Variants in SOX6 observed in about 807,000 individuals in gnomAD.
SOX6 encodes the protein SRY-box transcription factor 6, also known as transcription factor SOX-6.
A neutral mutation model predicts 97.8 loss-of-function variants in SOX6; 11 were observed. The ratio of observed to expected loss-of-function variants is 0.11; its 90% CI spans 0.07 to 0.19. SOX6 has a LOEUF of 0.19. Ranked by LOEUF, SOX6 falls within the 10% of genes least tolerant of loss-of-function variation. The pLI, the probability that SOX6 is intolerant of heterozygous loss-of-function variation, is 1.00. For synonymous variants in SOX6, 360 were observed against 371.4 expected (o/e 0.97, Z 0.35); for missense variants, 810 against 1,039.5 (o/e 0.78, Z 3.04).
chr11:16,132,432 AGAAAGAAAGAAAAAAGAAAG>A (rs1849821399), intron 6 of SOX6, among the ~76,000 whole-genome samples: 4 of 99,524 alleles, frequency 4.0e-5, no homozygotes, highest in South Asian at 3.3e-4. Context: ...AAAGAAAGAA[AGAAAGAAAGAAAAAAGAAAG>A]AAAGAAAGAA....
chr11:16,103,427 A>G (rs1176961178), intron 7 of SOX6, among the ~76,000 whole-genome samples: 3 of 151,932 alleles, frequency 2.0e-5, no homozygotes, highest in African/African-American at 7.2e-5. Flanking sequence ...TTGGGAATGT[A>G]AACTAGTACA....
chr11:16,684,108 G>A (rs909086983), intron 3 of SOX6, among the ~76,000 whole-genome samples: 1 of 152,210 alleles, frequency 6.6e-6, no homozygotes, highest in Admixed American at 6.5e-5. Flanking sequence ...AGAGGATGTG[G>A]AGAAATAGGG....
chr11:16,583,018 A>G (rs1848045165), intron 4 of SOX6, among the ~76,000 whole-genome samples: 1 of 152,154 alleles, frequency 6.6e-6, no homozygotes, highest in Non-Finnish European at 1.5e-5. Context: ...ATACAGATTC[A>G]TATATACACT....
chr11:16,104,983 T>A (rs1305549392), intron 7 of SOX6, among the ~76,000 whole-genome samples: 1 of 151,724 alleles, frequency 6.6e-6, no homozygotes, highest in Non-Finnish European at 1.5e-5. Context: ...TTAATACCAA[T>A]CCTTTTCAAA....
intron 4 of SOX6, among the ~76,000 whole-genome samples, chr11:16,230,330 GT>G (rs11292825): frequency 1 from 150,427 of 150,452 alleles, 75,201 homozygotes; most frequent in Middle Eastern, 1. Context: ...GTGGGTGGGA[GT>G]TGGGTAGCAA....
chr11:16,704,728 C>T (rs1848119012), intron 3 of SOX6, among the ~76,000 whole-genome samples: 1 of 152,048 alleles, frequency 6.6e-6, no homozygotes, highest in African/African-American at 2.4e-5. Flanking sequence ...TGAATTCTAC[C>T]CAGTTTATAG....
chr11:16,390,499 T>C (rs1389021328), intron 1 of SOX6, among the ~76,000 whole-genome samples: 1 of 152,212 alleles, frequency 6.6e-6, no homozygotes, highest in Non-Finnish European at 1.5e-5. Flanking sequence ...TCTCTGATAA[T>C]AAAGATTTCT....
intron 12 of SOX6, among the ~76,000 whole-genome samples, chr11:16,036,803 A>C (rs903956846): frequency 9.9e-5 from 15 of 152,160 alleles, no homozygotes; most frequent in Non-Finnish European, 1.8e-4. Flanking sequence ...AAAACAACAC[A>C]GTGTGTTTTC....
chr11:16,356,631 C>A (rs1038020049), upstream of SOX6, among the ~76,000 whole-genome samples: 2 of 152,008 alleles, frequency 1.3e-5, no homozygotes, highest in Non-Finnish European at 2.9e-5. Flanking sequence ...GTCTATGGAA[C>A]CTGAATTTTT....
intron 3 of SOX6, among the ~76,000 whole-genome samples, chr11:16,638,945 T>C (rs556885711): frequency 6.6e-6 from 1 of 152,370 alleles, no homozygotes; most frequent in Non-Finnish European, 1.5e-5. Flanking sequence ...TTGTCAATTT[T>C]GGCTTTTGTT....
chr11:16,096,263 T>C (rs1564951975), intron 8 of SOX6, 145 bp from the exon 9 acceptor site: 2 of 1,054,844 alleles, frequency 1.9e-6, no homozygotes, highest in Non-Finnish European at 2.7e-6. Flanking sequence ...TTCTTTCTTT[T>C]ACAGAAATTT....
intron 12 of SOX6, among the ~76,000 whole-genome samples, chr11:16,029,219 A>G (rs932210828): frequency 1.3e-5 from 2 of 152,200 alleles, no homozygotes; most frequent in Non-Finnish European, 2.9e-5. Flanking sequence ...ACATGGGCTC[A>G]ATAAACAAGC....
At chr11:16,513,174 G>A (rs1387181844) in intron 4 of SOX6, among the ~76,000 whole-genome samples, 2 of 152,186 alleles carry the variant, frequency 1.3e-5, no homozygotes, top group African/African-American at 4.8e-5. Context: ...AGGTCAACTG[G>A]CAGTAGTATG....
chr11:16,520,206 GTTCCA>G (rs1861036891), intron 4 of SOX6, among the ~76,000 whole-genome samples: 1 of 152,130 alleles, frequency 6.6e-6, no homozygotes, highest in Non-Finnish European at 1.5e-5. Flanking sequence ...GTTTAATTAA[GTTCCA>G]CTTGTCAGTT....
intron 4 of SOX6, among the ~76,000 whole-genome samples, chr11:16,516,529 A>G (rs1860976756): frequency 6.6e-6 from 1 of 152,164 alleles, no homozygotes; most frequent in African/African-American, 2.4e-5. Context: ...ACAAACTACC[A>G]TCAGAGAATA....
intron 2 of SOX6, among the ~76,000 whole-genome samples, chr11:16,720,461 C>T (rs1848251826): frequency 7.3e-6 from 1 of 136,188 alleles, no homozygotes; most frequent in African/African-American, 2.7e-5. Context: ...CCAAACACCG[C>T]ATGTTCTCAC....
intron 1 of SOX6, among the ~76,000 whole-genome samples, chr11:16,376,568 C>A (rs1181811822): frequency 6.6e-6 from 1 of 152,020 alleles, no homozygotes; most frequent in African/African-American, 2.4e-5. Context: ...AAGATGGGTA[C>A]CAGGAATACA....
At chr11:16,279,692 G>A (rs1197666045) in intron 3 of SOX6, among the ~76,000 whole-genome samples, 1 of 151,990 alleles carries the variant, frequency 6.6e-6, no homozygotes, top group Non-Finnish European at 1.5e-5. Flanking sequence ...TATGCTGAAA[G>A]TTAGTTACAA....
chr11:16,271,789 TTAA>T (rs1854268374), intron 3 of SOX6, among the ~76,000 whole-genome samples: 1 of 151,292 alleles, frequency 6.6e-6, no homozygotes, highest in South Asian at 2.1e-4. Context: ...GTATTACATA[TTAA>T]TTATTTTTAA....
Sources: allele counts gnomAD v4.1 joint callset (sites outside exome capture counted in the v4.1 genomes callset), GRCh38; gene constraint gnomAD v4.1.1; transcripts MANE v1.5; gene names NCBI Gene and HGNC (gene_info 2026-07-23, HGNC 2026-07-21).